Variants in RBMS3 observed in about 807,000 individuals in gnomAD.
The protein encoded by RBMS3 is RNA binding motif single stranded interacting protein 3.
A neutral mutation model predicts 66.8 loss-of-function variants in RBMS3; 27 were observed. That is an observed-to-expected ratio of 0.40 (90% CI 0.30 to 0.56). The LOEUF (loss-of-function observed/expected upper bound fraction) is 0.56. Among genes scored for constraint, RBMS3 ranks in the 20% least tolerant of loss-of-function variants. The probability of loss-of-function intolerance (pLI) is 0.40; values close to 1 mark genes in which losing one functional copy is unlikely to be tolerated. For missense variants in RBMS3, 513 were observed against 549.5 expected (o/e 0.93, Z 0.66); for synonymous variants, 188 against 183.0 (o/e 1.03, Z -0.22).
intron 6 of RBMS3, among the ~76,000 whole-genome samples, chr3:29,771,923 C>G (rs912203515): frequency 6.6e-6 from 1 of 151,988 alleles, no homozygotes; most frequent in Admixed American, 6.6e-5. Flanking sequence ...TCACCTCCCA[C>G]TAGGCCCCTC....
intron 1 of RBMS3, among the ~76,000 whole-genome samples, chr3:29,355,540 G>A (rs917687005): frequency 6.7e-6 from 1 of 149,442 alleles, no homozygotes; most frequent in African/African-American, 2.5e-5. Context: ...ATTCCTTATG[G>A]GAAAATATAT....
At chr3:29,926,147 C>G (rs79374449) in intron 10 of RBMS3, among the ~76,000 whole-genome samples, 27 of 151,966 alleles carry the variant, frequency 1.8e-4, no homozygotes, top group Non-Finnish European at 2.9e-4. Context: ...CAGCATTAGA[C>G]CACAGAACAT....
chr3:29,892,419 T>G (rs1215587951), intron 8 of RBMS3, among the ~76,000 whole-genome samples: 1 of 151,474 alleles, frequency 6.6e-6, no homozygotes, highest in Admixed American at 6.6e-5. Flanking sequence ...TTGTAGCATG[T>G]TTAGCAGCAT....
chr3:29,995,367 C>T (rs1699153651), intron 14 of RBMS3, among the ~76,000 whole-genome samples: 1 of 152,288 alleles, frequency 6.6e-6, no homozygotes, highest in Non-Finnish European at 1.5e-5. Context: ...AGAACTTCCC[C>T]CATCTAGCAA....
At chr3:29,588,323 C>G (rs2047605145) in intron 4 of RBMS3, among the ~76,000 whole-genome samples, 1 of 152,052 alleles carries the variant, frequency 6.6e-6, no homozygotes, top group African/African-American at 2.4e-5. Context: ...AAATCCTGAT[C>G]TAATGTATTC....
At chr3:29,455,800 G>T (rs73044615) in intron 2 of RBMS3, among the ~76,000 whole-genome samples, 1 of 146,292 alleles carries the variant, frequency 6.8e-6, no homozygotes. Flanking sequence ...TCACACACAC[G>T]CACAAAAAAA....
chr3:29,649,319 A>G (rs2050060262), intron 4 of RBMS3, among the ~76,000 whole-genome samples: 1 of 152,164 alleles, frequency 6.6e-6, no homozygotes, highest in Non-Finnish European at 1.5e-5. Flanking sequence ...CTGGGGCACA[A>G]TTTCCATTTG....
chr3:29,783,975 G>T (rs879084500), intron 6 of RBMS3, among the ~76,000 whole-genome samples: 1 of 151,960 alleles, frequency 6.6e-6, no homozygotes, highest in Non-Finnish European at 1.5e-5. Context: ...ATGACAGAAG[G>T]ACTAGTCCAA....
intron 1 of RBMS3, among the ~76,000 whole-genome samples, chr3:29,398,496 T>G (rs555595347): frequency 1.3e-5 from 2 of 152,294 alleles, no homozygotes; most frequent in African/African-American, 4.8e-5. Context: ...AAATAATCTT[T>G]TAACTGATAA....
At chr3:29,771,255 A>C (rs1215058141) in intron 6 of RBMS3, among the ~76,000 whole-genome samples, 1 of 152,024 alleles carries the variant, frequency 6.6e-6, no homozygotes, top group Non-Finnish European at 1.5e-5. Context: ...TGGCATGCTT[A>C]TGAAGGTTCA....
chr3:29,444,479 G>GAGA (rs1158394367), intron 2 of RBMS3, among the ~76,000 whole-genome samples: 4 of 152,038 alleles, frequency 2.6e-5, no homozygotes, highest in Non-Finnish European at 2.9e-5. Flanking sequence ...CTAAGAGAAT[G>GAGA]AGAAACCAAG....
intron 6 of RBMS3, among the ~76,000 whole-genome samples, chr3:29,835,482 C>G (rs566216905): frequency 6.6e-6 from 1 of 151,946 alleles, no homozygotes; most frequent in African/African-American, 2.4e-5. Context: ...AGGAAGTATA[C>G]TGGAAAATTT....
chr3:29,444,237 T>A (rs141170213), intron 2 of RBMS3, among the ~76,000 whole-genome samples: 91 of 152,234 alleles, frequency 6.0e-4, no homozygotes, highest in African/African-American at 2.1e-3. Flanking sequence ...GTACTTCATA[T>A]TACATATGTT....
At chr3:29,922,488 C>A (rs1470347433) in intron 10 of RBMS3, among the ~76,000 whole-genome samples, 1 of 81,544 alleles carries the variant, frequency 1.2e-5, no homozygotes, top group Admixed American at 1.4e-4. Context: ...AGCGAGACTC[C>A]GTCTCAAAAA....
chr3:29,577,746 C>G (rs949770515), intron 3 of RBMS3, among the ~76,000 whole-genome samples: 3 of 152,182 alleles, frequency 2.0e-5, no homozygotes, highest in Non-Finnish European at 4.4e-5. Context: ...CTCCCTCCCT[C>G]AAATGCACAG....
intron 4 of RBMS3, among the ~76,000 whole-genome samples, chr3:29,684,704 A>T (rs1025809847): frequency 1.3e-5 from 2 of 151,976 alleles, no homozygotes; most frequent in African/African-American, 4.8e-5. Context: ...TCAGAAACCA[A>T]TTTTTTAACA....
rs979325859 is a variant in RBMS3 at position 29,541,350 on chromosome 3, C to T, written c.308-45764C>T. ...TTCCCAAACCGGCTCTTCTTGGAAG[C>T]TTTCCTAACTTAGTAAAAGTCAACT... On this transcript the variant is annotated intron_variant, in intron 3 of 14. Coordinates refer to ENST00000383767, the MANE Select transcript of RBMS3 (RefSeq NM_001003793.3). Among the ~76,000 whole-genome samples, 8 of 152,254 alleles carry T rather than the reference C, an allele frequency of 5.3e-5. No homozygotes were observed. In the South Asian group the frequency reaches 1.7e-3, roughly 32 times the overall value.
intron 2 of RBMS3, among the ~76,000 whole-genome samples, chr3:29,436,708 G>A (rs901040972): frequency 6.6e-6 from 1 of 152,144 alleles, no homozygotes; most frequent in African/African-American, 2.4e-5. Flanking sequence ...GTAGCTATTA[G>A]GGAAAGGTTC....
chr3:29,873,850 GT>G (rs1032620265), intron 7 of RBMS3, among the ~76,000 whole-genome samples: 7 of 152,104 alleles, frequency 4.6e-5, no homozygotes, highest in Non-Finnish European at 1.0e-4. Flanking sequence ...ATAATCAAGT[GT>G]TTTTTGTCTT....
Sources: allele counts gnomAD v4.1 joint callset (sites outside exome capture counted in the v4.1 genomes callset), GRCh38; gene constraint gnomAD v4.1.1; transcripts MANE v1.5; gene names NCBI Gene and HGNC (gene_info 2026-07-23, HGNC 2026-07-21).